Variants in MYH4 observed in about 807,000 individuals in gnomAD.
MYH4 encodes myosin-4.
MYH4 carries 200 observed loss-of-function variants against 229.9 expected under a neutral mutation model. The ratio of observed to expected loss-of-function variants is 0.87; its 90% CI spans 0.78 to 0.98. The LOEUF is 0.98. Among genes scored for constraint, MYH4 ranks in the 50% least tolerant of loss-of-function variants. MYH4 has a pLI of 0.00. For synonymous variants in MYH4, 761 were observed against 834.6 expected, an observed-to-expected ratio of 0.91 and a Z score of 1.52; for missense variants, 2,148 against 2,332.6, an observed-to-expected ratio of 0.92 and a Z score of 1.63.
In MYH4 at chr17:10,452,758, A is replaced by C. The variant is rs371101216; in HGVS notation, c.3257+29T>G. 4 of 1,570,598 alleles carry C rather than the reference A, an allele frequency of 2.5e-6. No individual in the cohort carries two copies. In the African/African-American group the frequency reaches 5.5e-5, roughly 22 times the overall value. ...TCATTTGCATTGACATACAACAAGC[A>C]GGTTATAGCTGAATTATACCATACT... On this transcript the variant is annotated intron_variant, in intron 25 of 39. Coordinates refer to ENST00000255381, the MANE Select transcript of MYH4 (RefSeq NM_017533.2).
intron 17 of MYH4, among the ~76,000 whole-genome samples, 185 bp downstream of exon 17, chr17:10,456,299 GT>G (rs2072637562): frequency 1.3e-5 from 2 of 152,016 alleles, no homozygotes; most frequent in South Asian, 4.1e-4. Context: ...TATGTAGTTT[GT>G]TTTTTTGTGC....
chr17:10,463,029 A>G, intron 10 of MYH4, 61 bp from the exon 11 acceptor site: 4 of 1,592,928 alleles, frequency 2.5e-6, no homozygotes, highest in Non-Finnish European at 3.4e-6. Context: ...AAAACATTTC[A>G]GAGAGGCTTC....
Position 10,451,330 on chromosome 17 carries a change from T to C in MYH4, c.3861A>G (p.Glu1287=), listed in dbSNP as rs752378011. Residue 1287 remains glutamate (E), a synonymous_variant, in exon 28 of 40, where the codon GAA becomes GAG. Transcript: ENST00000255381. ...LSAQKARLHT[E]SGEFSRQLDE... ...TGATGCTATTTATTTACTGACCTGA[T>C]TCTGTGTGTAAACGTGCCTTCTGGG... is the stretch of plus-strand genomic sequence containing the variant. 1.2e-6 allele frequency: 2 copies of C among 1,613,834 alleles called. No homozygotes were observed. The highest frequency in any genetic ancestry group is 1.7e-6 in the Non-Finnish European group (2 of 1,179,936).
intron 22 of MYH4, 47 bp downstream of exon 22, chr17:10,454,508 C>A: frequency 6.3e-7 from 1 of 1,582,240 alleles, no homozygotes; most frequent in Non-Finnish European, 8.6e-7. Context: ...CATTTTAAAA[C>A]GTTAAAAGTA....
At chr17:10,450,252 G>A (rs548644617) in intron 30 of MYH4, among the ~76,000 whole-genome samples, 1 of 152,236 alleles carries the variant, frequency 6.6e-6, no homozygotes, top group East Asian at 1.9e-4. Flanking sequence ...AGAATGGGTG[G>A]AGGGATCTGG....
chr17:10,451,430 C>A lies in MYH4; in HGVS notation c.3761G>T (p.Arg1254Leu). 6.2e-7 allele frequency: 1 copy of A among 1,613,126 alleles called. No homozygotes were observed. Among genetic ancestry groups the A allele is most frequent in the Non-Finnish European group, 8.5e-7 (1 of 1,179,706 alleles). Residue 1254 changes from arginine (R) to leucine (L), a missense_variant, in exon 28 of 40, where the codon CGC becomes CTC. Coordinates refer to ENST00000255381, the MANE Select transcript of MYH4 (RefSeq NM_017533.2). ...TTCACTAAGCTGGTCCTCTAGGGTG[C>A]GGCACATTTTCTCAAAGTTTGCCTG... ...KAKANFEKMC[R>L]TLEDQLSEIK...
intron 4 of MYH4, 94 bp downstream of exon 4, chr17:10,466,179 T>A (rs2072764335): frequency 6.9e-7 from 1 of 1,444,438 alleles, no homozygotes; most frequent in Admixed American, 2.0e-5. Flanking sequence ...AAAGAACAGT[T>A]CAATAGCCAA....
intron 23 of MYH4, 127 bp downstream of exon 23, chr17:10,453,516 C>T: frequency 6.4e-7 from 1 of 1,563,726 alleles, no homozygotes; most frequent in Non-Finnish European, 8.7e-7. Flanking sequence ...GTGGTGAAGA[C>T]TAAAGAGATG....
rs187012905 is a variant in MYH4, at chr17:10,465,111, A to T, written c.505+331T>A. Among the ~76,000 whole-genome samples, 373 of 152,338 alleles carry T rather than the reference A, an allele frequency of 2.4e-3. 3 individuals carry two copies. Among genetic ancestry groups the T allele is most frequent in the Non-Finnish European group, 3.8e-3 (259 of 68,018 alleles). On this transcript the variant is annotated intron_variant, in intron 5 of 39. Coordinates refer to ENST00000255381, the MANE Select transcript of MYH4 (RefSeq NM_017533.2). The stretch of plus-strand genomic sequence containing the variant: ...CAAAACTTACTTTTTAGGAGAGATT[A>T]TGTATTATCTATAATCCAAATGCAG...
At position 10,450,830 on chromosome 17, in the gene MYH4, C is replaced by T. The variant is rs143271333; in HGVS notation, c.3931G>A (p.Ala1311Thr). The change falls in exon 29 of 40, where the codon GCA becomes ACA. Residue 1311 changes from alanine (A) to threonine (T), a missense_variant. By Grantham distance (58) the Ala-to-Thr change is moderately conservative. Coordinates refer to ENST00000255381, the MANE Select transcript of MYH4 (RefSeq NM_017533.2). ...MVSQLSRGKQ[A>T]FTQQIEELKR... The stretch of plus-strand genomic sequence containing the variant: ...AATTCTTCAATCTGTTGTGTAAATG[C>T]TTGTTTGCCTCGGGATAGCTGAGAA... 1.8e-4 allele frequency: 283 copies of T among 1,614,124 alleles called. No individual in the cohort carries two copies. In the African/African-American group the frequency reaches 3.4e-3, roughly 19 times the overall value.
At position 10,451,390 on chromosome 17, in the gene MYH4, T is replaced by A; in HGVS notation, c.3801A>T (p.Glu1267Asp). The stretch of plus-strand genomic sequence containing the variant: ...CATTTATTAAGCGTTGTTGCTCTTC[T>A]TCCTTTGTTTTTATTTCACTAAGCT... ...EDQLSEIKTK[E>D]EEQQRLINEL... Residue 1267 changes from glutamate to aspartate, a missense_variant, in exon 28 of 40, where the codon GAA (glutamate) becomes GAT (aspartate). Glu to Asp is a conservative substitution (Grantham distance 45, BLOSUM62 2). Transcript: ENST00000255381. The A allele has an allele frequency of 6.2e-7, 1 of 1,614,122 alleles. No individual in the cohort carries two copies. The highest frequency in any genetic ancestry group is 8.5e-7 in the Non-Finnish European group (1 of 1,180,002).
At chr17:10,454,885 G>T (rs149381199) in intron 21 of MYH4, 56 bp downstream of exon 21, 6 of 1,610,722 alleles carry the variant, frequency 3.7e-6, no homozygotes, top group Non-Finnish European at 4.2e-6. Flanking sequence ...AGTAATGACT[G>T]CAGTGGATTC....
intron 39 of MYH4, 140 bp downstream of exon 39, chr17:10,444,464 T>A (rs1177642776): frequency 1.6e-6 from 1 of 640,700 alleles, no homozygotes; most frequent in African/African-American, 1.8e-5. Flanking sequence ...ATGGTTCATT[T>A]TTCTCATTCT....
chr17:10,466,268 C>G lies in MYH4; in HGVS notation c.348+5G>C. 2 of 1,613,254 alleles carry G rather than the reference C, an allele frequency of 1.2e-6. No homozygotes were observed. The highest frequency in any genetic ancestry group is 1.7e-6 in the Non-Finnish European group (2 of 1,179,676). On this transcript the variant is annotated splice_donor_5th_base_variant and intron_variant, in intron 4 of 39. Transcript: ENST00000255381. Reference sequence around the variant, plus strand: ...AGTGAGAAATAGCGTTGAAAGGGTGCTCACGTAGATCATCCAGGCTGCGTA... The same window carrying G: ...AGTGAGAAATAGCGTTGAAAGGGTGGTCACGTAGATCATCCAGGCTGCGTA...
intron 11 of MYH4, among the ~76,000 whole-genome samples, chr17:10,462,619 A>C (rs982439394): frequency 1.3e-5 from 2 of 152,196 alleles, no homozygotes; most frequent in African/African-American, 4.8e-5. Flanking sequence ...GAAAGATAGA[A>C]TGAAAGGAGC....
rs777643448 is a variant in MYH4 at position 10,460,287 on chromosome 17, G to A, written c.1182C>T (p.Asn394=). ...AGAGAGATTTGAGCAGGTCAGCAGA[G>A]TTCAGACTTGTCAGATAAGCAGCTT... The part of the protein sequence containing the change: ...ADKAAYLTSL[N]SADLLKSLCY... Residue 394 remains asparagine, a synonymous_variant, in exon 13 of 40, where the codon AAC becomes AAT. Transcript: ENST00000255381. 3.3e-5 allele frequency: 53 copies of A among 1,611,254 alleles called. No individual in the cohort carries two copies. Among genetic ancestry groups the A allele is most frequent in the Non-Finnish European group, 4.3e-5 (51 of 1,177,812 alleles).
At chr17:10,449,800 A>G (rs757577682) in intron 30 of MYH4, among the ~76,000 whole-genome samples, 1 of 151,790 alleles carries the variant, frequency 6.6e-6, no homozygotes, top group African/African-American at 2.4e-5. Flanking sequence ...CCCAGCCCAC[A>G]CTCTTATCTA....
At chr17:10,460,396 A>T in intron 12 of MYH4, 75 bp from the exon 13 acceptor site, 1 of 1,208,232 alleles carries the variant, frequency 8.3e-7, no homozygotes. Flanking sequence ...GATGACAAAG[A>T]AAAAAGGTTT....
intron 15 of MYH4, 78 bp downstream of exon 15, chr17:10,459,173 G>A: frequency 6.2e-7 from 1 of 1,608,842 alleles, no homozygotes. Context: ...TGTTCTTTGA[G>A]AACAGGGAGT....
Sources: allele counts gnomAD v4.1 joint callset (sites outside exome capture counted in the v4.1 genomes callset), GRCh38; gene constraint gnomAD v4.1.1; transcripts MANE v1.5; gene names NCBI Gene and HGNC (gene_info 2026-07-23, HGNC 2026-07-21).